Variants in GLB1 observed in about 807,000 individuals in gnomAD.
The protein encoded by GLB1 is beta-galactosidase.
A neutral mutation model predicts 74.0 loss-of-function variants in GLB1; 56 were observed. The observed-to-expected ratio is 0.76, with a 90% CI of 0.61 to 0.94. The LOEUF (loss-of-function observed/expected upper bound fraction) is 0.94, where lower values mean the gene tolerates loss of function less well. Ranked by LOEUF, GLB1 falls within the 40% of genes least tolerant of loss-of-function variation. The pLI is 0.00. For synonymous variants in GLB1, 323 were observed against 323.6 expected (o/e 1.00, Z 0.02); for missense variants, 787 against 845.5 (o/e 0.93, Z 0.86).
rs189054965 is a variant in GLB1 at position 32,997,249 on chromosome 3, G to A, written c.1830C>T (p.Thr610=). 6.2e-7 allele frequency: 1 copy of A among 1,614,216 alleles called. No individual in the cohort carries two copies. Residue 610 remains threonine (T), a synonymous_variant, in exon 16 of 16, where the codon ACC becomes ACT. Transcript: ENST00000307363. ...TLFVPQHILM[T]SAPNTITVLE... ...GCACGGTGATGGTGTTTGGGGCCGA[G>A]GTCATCAGGATGTGCTGGGGCACAA...
At chr3:33,094,285 G>T in intron 1 of GLB1, 2 of 1,512,440 alleles carry the variant, frequency 1.3e-6, no homozygotes, top group East Asian at 2.3e-5. Context: ...CCAAGGAGAG[G>T]TTTCCAGGTC....
At chr3:32,996,349 A>G (rs916583991), downstream of GLB1, among the ~76,000 whole-genome samples, 4 of 152,210 alleles carry the variant, frequency 2.6e-5, no homozygotes, top group African/African-American at 9.7e-5. Flanking sequence ...TTATGTTGAA[A>G]CACACAAAAC....
chr3:33,061,745 G>A (rs1245775733), intron 5 of GLB1: 1 of 152,174 alleles, frequency 6.6e-6, no homozygotes, highest in African/African-American at 2.4e-5. Context: ...AGTTGTGGGT[G>A]GAAGGTCGTC....
At chr3:32,972,946 G>T in the GLB1 span, among the ~76,000 whole-genome samples, 1 of 152,148 alleles carries the variant, frequency 6.6e-6, no homozygotes, top group African/African-American at 2.4e-5. Context: ...CAGCTGCAAG[G>T]TCACTAGACA....
In GLB1 at chr3:33,037,274, G is replaced by T. The variant is rs546547361; in HGVS notation, c.1068+8846C>A. Among the ~76,000 whole-genome samples, 4 of 152,120 alleles carry T rather than the reference G, an allele frequency of 2.6e-5. No homozygotes were observed. The East Asian group carries it at 7.7e-4, about 29-fold the overall frequency. Reference sequence around the variant, plus strand: ...TTGGCCAGGCTGGTCTCGAACTCCTGACCTTAGGTGATCTGCCTGCCTCGG... The same window carrying T: ...TTGGCCAGGCTGGTCTCGAACTCCTTACCTTAGGTGATCTGCCTGCCTCGG... On this transcript the variant is annotated intron_variant, in intron 10 of 15. Transcript: ENST00000307363.
At position 33,021,659 on chromosome 3, in the gene GLB1, A is replaced by C; in HGVS notation, c.1144-4T>G. 1 of 1,613,052 alleles carries C rather than the reference A, an allele frequency of 6.2e-7. No homozygotes were observed. Among genetic ancestry groups the C allele is most frequent in the African/African-American group, 1.3e-5 (1 of 75,048 alleles). Reference sequence around the variant, plus strand: ...GAGCTGCTCCCACTGTCTTTAACTGAAAAGAAACAAAAGCAGCATTCACAC... The same window carrying C: ...GAGCTGCTCCCACTGTCTTTAACTGCAAAGAAACAAAAGCAGCATTCACAC... On this transcript the variant is annotated splice_polypyrimidine_tract_variant and splice_region_variant and intron_variant, in intron 11 of 15. Transcript: ENST00000307363.
chr3:32,982,933 A>T, the GLB1 span, among the ~76,000 whole-genome samples: 1 of 152,106 alleles, frequency 6.6e-6, no homozygotes, highest in Non-Finnish European at 1.5e-5. Flanking sequence ...TCATTGTATT[A>T]TCTTTGGTCT....
At chr3:33,071,255 G>A (rs953445028) in intron 2 of GLB1, among the ~76,000 whole-genome samples, 1 of 152,288 alleles carries the variant, frequency 6.6e-6, no homozygotes, top group East Asian at 1.9e-4. Context: ...AGGTGAACTT[G>A]GGTTCACTCT....
At chr3:33,067,091 C>T (rs552674048) in intron 4 of GLB1, among the ~76,000 whole-genome samples, 2 of 151,806 alleles carry the variant, frequency 1.3e-5, no homozygotes, top group East Asian at 3.9e-4. Flanking sequence ...CAACCTCTGC[C>T]TCCCAGCTTC....
At position 33,046,230 on chromosome 3, in the gene GLB1, C is replaced by A; in HGVS notation, c.958G>T (p.Ala320Ser). 1.2e-6 allele frequency: 2 copies of A among 1,613,874 alleles called. No individual in the cohort carries two copies. The highest frequency in any genetic ancestry group is 1.1e-5 in the South Asian group (1 of 91,064). The change falls in exon 10 of 16, where the codon GCC (alanine) becomes TCC (serine). Residue 320 changes from alanine to serine, a missense_variant and splice_region_variant. Coordinates refer to ENST00000307363, the MANE Select transcript of GLB1 (RefSeq NM_000404.4). ...GGTNFAYWNG[A>S]NSPYAAQPTS... is the part of the protein sequence containing the mutation. ...GGCTGTGCTGCATAGGGTGAGTTGG[C>A]CCCTAGAAGACAAAAATGTGCCACT...
rs1256401483 is a variant in GLB1 at position 33,065,542 on chromosome 3, A to G, written c.473T>C (p.Val158Ala). 1.9e-6 allele frequency: 3 copies of G among 1,578,916 alleles called. No homozygotes were observed. Among genetic ancestry groups the G allele is most frequent in the East Asian group, 4.5e-5 (2 of 44,060 alleles). Residue 158 changes from valine (V) to alanine (A), a missense_variant, in exon 5 of 16, where the codon GTG becomes GCG. By Grantham distance (64) the Val-to-Ala change is moderately conservative (BLOSUM62 0). Transcript: ENST00000307363. ...RSSDPDYLAA[V>A]DKWLGVLLPK... Reference sequence around the variant, plus strand: ...CAGAAGGACTCCCAACCACTTGTCCACAGCTGCCAGGTAATCTGGAAAACA... The same window carrying G: ...CAGAAGGACTCCCAACCACTTGTCCGCAGCTGCCAGGTAATCTGGAAAACA...
At chr3:33,092,852 G>A (rs949776705) in intron 1 of GLB1, 1 of 1,607,488 alleles carries the variant, frequency 6.2e-7, no homozygotes, top group African/African-American at 1.3e-5. Flanking sequence ...ACCGCTGCAG[G>A]ATGAGCTCTG....
chr3:33,056,652 C>A (rs920184771), intron 6 of GLB1, among the ~76,000 whole-genome samples: 2 of 152,114 alleles, frequency 1.3e-5, no homozygotes, highest in Admixed American at 6.5e-5. Flanking sequence ...CTCTCCTATT[C>A]CCTTCACCTA....
intron 10 of GLB1, among the ~76,000 whole-genome samples, chr3:33,026,527 C>T (rs999932146): frequency 6.6e-6 from 1 of 152,152 alleles, no homozygotes; most frequent in African/African-American, 2.4e-5. Flanking sequence ...GGTGAAGCCC[C>T]ACCTTCAAGC....
At chr3:33,040,739 CAAAG>C (rs1446868108) in intron 10 of GLB1, among the ~76,000 whole-genome samples, 2 of 151,876 alleles carry the variant, frequency 1.3e-5, no homozygotes, top group Non-Finnish European at 1.5e-5. Context: ...CAGAATGAGA[CAAAG>C]AAAGACTCTG....
chr3:33,013,997 A>C (rs1305516208), intron 15 of GLB1, 59 bp downstream of exon 15: 1 of 1,613,372 alleles, frequency 6.2e-7, no homozygotes, highest in Non-Finnish European at 8.5e-7. Context: ...ATTCTTTCTC[A>C]GACACTAACA....
intron 1 of GLB1, among the ~76,000 whole-genome samples, chr3:33,074,389 G>GAAGAAAGAAAGAAAAAGAAAGAAAGA (rs1559412995): frequency 4.1e-4 from 16 of 38,910 alleles, no homozygotes; most frequent in East Asian, 1.4e-3. Flanking sequence ...AGGAAGGAAG[G>GAAGAAAGAAAGAAAAAGAAAGAAAGA]AAGAAAGAAA....
At chr3:33,029,674 C>A (rs550469004) in intron 10 of GLB1, among the ~76,000 whole-genome samples, 38 of 152,208 alleles carry the variant, frequency 2.5e-4, no homozygotes, top group Admixed American at 1.4e-3. Flanking sequence ...AGCTGGAGGC[C>A]ATTATCCTAA....
At chr3:33,031,733 G>A (rs1456797942) in intron 10 of GLB1, among the ~76,000 whole-genome samples, 1 of 139,228 alleles carries the variant, frequency 7.2e-6, no homozygotes, top group Non-Finnish European at 1.5e-5. Context: ...CAAAAAAAGA[G>A]GGAAAATATG....
Sources: gnomAD v4.1 joint callset for allele counts (sites outside exome capture counted in the v4.1 genomes callset) on GRCh38, gnomAD v4.1.1 for gene constraint, MANE v1.5 for transcripts, NCBI Gene and HGNC (gene_info 2026-07-23, HGNC 2026-07-21) for gene names.